Variants in MBD5 observed in about 807,000 individuals in gnomAD.
MBD5 encodes methyl-CpG-binding domain protein 5.
MBD5 carries 13 observed loss-of-function variants against 117.3 expected under a neutral mutation model. That is an observed-to-expected ratio of 0.11 (90% CI 0.07 to 0.18). The LOEUF is 0.18. Among genes scored for constraint, MBD5 ranks in the 10% least tolerant of loss-of-function variants. The pLI is 1.00. For missense variants in MBD5, 1,879 were observed against 2,093.8 expected (o/e 0.90, Z 2.00); for synonymous variants, 727 against 766.4 (o/e 0.95, Z 0.85).
At chr2:148,039,335 C>G (rs1390513485) in intron 1 of MBD5, among the ~76,000 whole-genome samples, 1 of 151,884 alleles carries the variant, frequency 6.6e-6, no homozygotes, top group African/African-American at 2.4e-5. Context: ...TTTTACTTTA[C>G]TAATGTGCCA....
At chr2:148,252,830 A>T (rs894531673) in intron 3 of MBD5, among the ~76,000 whole-genome samples, 3 of 152,010 alleles carry the variant, frequency 2.0e-5, no homozygotes, top group African/African-American at 7.2e-5. Flanking sequence ...GATTGCAACA[A>T]TGAGCCACTG....
rs147106585 is a variant in MBD5 at position 148,469,036 on chromosome 2, C to G, written c.1093C>G (p.Pro365Ala). Residue 365 changes from proline (P) to alanine (A), a missense_variant, in exon 8 of 14, where the codon CCT (proline) becomes GCT (alanine). By Grantham distance (27) the Pro-to-Ala change is conservative. Transcript: ENST00000642680. ...KDPLGILDPI[P>A]SKPVNQNPVI... ...TCCACTTGGCATTCTTGACCCTATT[C>G]CTAGTAAACCAGTGAATCAGAACCC... 4.3e-6 allele frequency: 7 copies of G among 1,613,692 alleles called. No homozygotes were observed. The highest frequency in any genetic ancestry group is 2.2e-5 in the East Asian group (1 of 44,852).
intron 8 of MBD5, among the ~76,000 whole-genome samples, chr2:148,473,454 G>C (rs1351300967): frequency 6.6e-6 from 1 of 152,062 alleles, no homozygotes; most frequent in African/African-American, 2.4e-5. Flanking sequence ...GTACTCTGTG[G>C]TTACAGAGCT....
At chr2:148,508,128 C>G (rs1304062404) in intron 12 of MBD5, among the ~76,000 whole-genome samples, 1 of 152,170 alleles carries the variant, frequency 6.6e-6, no homozygotes, top group Non-Finnish European at 1.5e-5. Context: ...GGCCCCAGCC[C>G]AGCCTCAGCA....
intron 1 of MBD5, among the ~76,000 whole-genome samples, chr2:148,144,543 A>G (rs935109955): frequency 1.3e-5 from 2 of 152,126 alleles, no homozygotes; most frequent in Non-Finnish European, 2.9e-5. Context: ...CCTGAATGGT[A>G]TTGCCTAGGT....
intron 3 of MBD5, among the ~76,000 whole-genome samples, chr2:148,255,416 G>A (rs760534061): frequency 6.6e-6 from 1 of 152,172 alleles, no homozygotes; most frequent in African/African-American, 2.4e-5. Context: ...CATGGGGGCC[G>A]TGTATTGAAC....
intron 3 of MBD5, among the ~76,000 whole-genome samples, chr2:148,319,981 T>C (rs190899891): frequency 1.6e-4 from 24 of 152,328 alleles, no homozygotes; most frequent in African/African-American, 5.5e-4. Flanking sequence ...TGAATTTTAT[T>C]GAATGCCTTT....
At chr2:148,438,796 C>T (rs6650766) in intron 4 of MBD5, among the ~76,000 whole-genome samples, 1 of 152,070 alleles carries the variant, frequency 6.6e-6, no homozygotes, top group Non-Finnish European at 1.5e-5. Flanking sequence ...AATGTGTGTC[C>T]AAGTTCTCGA....
intron 4 of MBD5, among the ~76,000 whole-genome samples, chr2:148,454,280 T>C (rs1387469575): frequency 6.6e-6 from 1 of 152,124 alleles, no homozygotes; most frequent in Non-Finnish European, 1.5e-5. Context: ...GCAATATCTG[T>C]AGAGTTGAAA....
At chr2:148,071,277 TG>T (rs1272655420) in intron 1 of MBD5, 10 of 1,140 alleles carry the variant, frequency 8.8e-3, no homozygotes, top group East Asian at 0.062. Flanking sequence ...TATCTGTATA[TG>T]TGTGTGTGTG....
chr2:148,218,540 C>T (rs977793132), intron 2 of MBD5, among the ~76,000 whole-genome samples: 7 of 152,124 alleles, frequency 4.6e-5, no homozygotes, highest in Non-Finnish European at 7.4e-5. Context: ...AGTCATGCAT[C>T]GCTTAATGAC....
chr2:148,074,326 T>C (rs1042020616), intron 1 of MBD5, among the ~76,000 whole-genome samples: 3 of 152,148 alleles, frequency 2.0e-5, no homozygotes, highest in African/African-American at 7.2e-5. Context: ...CTCTATCATA[T>C]TTAGCTTGGT....
chr2:148,258,430 T>A (rs1700643915), intron 3 of MBD5, among the ~76,000 whole-genome samples: 1 of 152,138 alleles, frequency 6.6e-6, no homozygotes, highest in Non-Finnish European at 1.5e-5. Flanking sequence ...TCTGCACCGG[T>A]ATCCACCAGT....
chr2:148,092,864 G>T (rs1020838567), intron 1 of MBD5, among the ~76,000 whole-genome samples: 3 of 148,700 alleles, frequency 2.0e-5, no homozygotes, highest in African/African-American at 7.4e-5. Context: ...AGGCCAGGAA[G>T]AAAGAATATT....
intron 3 of MBD5, among the ~76,000 whole-genome samples, chr2:148,293,651 C>T (rs1023905033): frequency 1.3e-5 from 2 of 152,098 alleles, no homozygotes; most frequent in African/African-American, 4.8e-5. Flanking sequence ...GCTAGAACTT[C>T]CAGTATAATG....
intron 4 of MBD5, among the ~76,000 whole-genome samples, chr2:148,434,170 G>A (rs1706082520): frequency 6.6e-6 from 1 of 151,150 alleles, no homozygotes; most frequent in Non-Finnish European, 1.5e-5. Flanking sequence ...TCCAGTTTGT[G>A]GTCACAGTGG....
intron 4 of MBD5, among the ~76,000 whole-genome samples, chr2:148,439,470 T>A (rs1334771004): frequency 6.6e-6 from 1 of 152,180 alleles, no homozygotes; most frequent in East Asian, 1.9e-4. Flanking sequence ...ATTTTTTATA[T>A]TCGTGACCAG....
intron 1 of MBD5, among the ~76,000 whole-genome samples, chr2:148,036,183 A>G (rs1297303801): frequency 6.6e-6 from 1 of 152,116 alleles, no homozygotes; most frequent in Non-Finnish European, 1.5e-5. Flanking sequence ...TGTTTCTCAT[A>G]AAGAAACAGA....
chr2:148,068,035 G>A (rs981534755), intron 1 of MBD5, among the ~76,000 whole-genome samples: 2 of 152,220 alleles, frequency 1.3e-5, no homozygotes, highest in African/African-American at 4.8e-5. Flanking sequence ...GGGTCTCTCT[G>A]TATGTGGTGA....
Sources: allele counts gnomAD v4.1 joint callset (sites outside exome capture counted in the v4.1 genomes callset), GRCh38; gene constraint gnomAD v4.1.1; transcripts MANE v1.5; gene names NCBI Gene and HGNC (gene_info 2026-07-23, HGNC 2026-07-21).